SUSD6: variants seen among roughly 807,000 people sequenced by gnomAD.
The protein encoded by SUSD6 is sushi domain containing 6.
SUSD6 carries 16 observed loss-of-function variants against 28.4 expected under a neutral mutation model. The ratio of observed to expected loss-of-function variants is 0.56; its 90% CI spans 0.38 to 0.86. The LOEUF is 0.86. Ranked by LOEUF, SUSD6 falls within the 40% of genes least tolerant of loss-of-function variation. The pLI, the probability that SUSD6 is intolerant of heterozygous loss-of-function variation, is 0.00. For synonymous variants in SUSD6, 147 were observed against 159.6 expected (o/e 0.92, Z 0.59); for missense variants, 341 against 384.2 (o/e 0.89, Z 0.94).
intron 2 of SUSD6, among the ~76,000 whole-genome samples, chr14:69,694,836 C>T (rs557079325): frequency 7.2e-5 from 11 of 152,094 alleles, no homozygotes; most frequent in East Asian, 1.9e-4. Context: ...TGGACAGGTC[C>T]GAGGCCTGTC....
At chr14:69,651,481 T>C (rs997704341) in intron 1 of SUSD6, among the ~76,000 whole-genome samples, 1 of 152,104 alleles carries the variant, frequency 6.6e-6, no homozygotes, top group Non-Finnish European at 1.5e-5. Context: ...TAACAGGAGT[T>C]TGATGTTTGC....
Position 69,625,302 on chromosome 14 carries a change from C to T in SUSD6, c.-81+13474C>T, listed in dbSNP as rs116426015. On this transcript the variant is annotated intron_variant, in intron 1 of 5. Transcript: ENST00000342745. ...TAGTTAAGTACCCAGTAAATATTAA[C>T]TGTTATCAGCTTTTATCCTCACTAT... Among the ~76,000 whole-genome samples the T allele has an allele frequency of 3.1e-3, 471 of 152,334 alleles. 1 individual carries two copies. The highest frequency in any genetic ancestry group is 0.011 in the African/African-American group (441 of 41,576).
intron 1 of SUSD6, among the ~76,000 whole-genome samples, chr14:69,632,212 CCTG>C (rs976171242): frequency 5.3e-5 from 8 of 152,166 alleles, no homozygotes; most frequent in African/African-American, 1.9e-4. Flanking sequence ...CACTGTTCAC[CCTG>C]CTATTGCCCT....
intron 2 of SUSD6, among the ~76,000 whole-genome samples, chr14:69,673,054 A>T (rs1465688571): frequency 6.6e-6 from 1 of 152,164 alleles, no homozygotes; most frequent in African/African-American, 2.4e-5. Context: ...CAGGAGGAGG[A>T]TATACTGAGT....
At chr14:69,621,682 T>A (rs527877945) in intron 1 of SUSD6, among the ~76,000 whole-genome samples, 1 of 152,332 alleles carries the variant, frequency 6.6e-6, no homozygotes, top group East Asian at 1.9e-4. Flanking sequence ...GAAATATATT[T>A]AGTATCCAGT....
In SUSD6 at chr14:69,679,144, A is replaced by C. The variant is rs149326757; in HGVS notation, c.121+20431A>C. Reference sequence around the variant, plus strand: ...GTATTTCCTTGATTATCCTCTCCCAATTTGTAGATTTTTTGAACTTTTCTT... The same window carrying C: ...GTATTTCCTTGATTATCCTCTCCCACTTTGTAGATTTTTTGAACTTTTCTT... On this transcript the variant is annotated intron_variant, in intron 2 of 5. Transcript: ENST00000342745. 7.2e-4 allele frequency among the ~76,000 whole-genome samples: 109 copies of C among 152,194 alleles called. 1 individual carries two copies. The South Asian group carries it at 0.015, about 21-fold the overall frequency.
intron 2 of SUSD6, among the ~76,000 whole-genome samples, chr14:69,659,566 G>T (rs933516578): frequency 2.0e-5 from 3 of 152,148 alleles, no homozygotes; most frequent in Non-Finnish European, 4.4e-5. Flanking sequence ...TGTCCAGGCT[G>T]GAGTGCAGTG....
chr14:69,703,477 T>C lies in SUSD6; in HGVS notation c.204T>C (p.Ser68=). The change falls in exon 3 of 6, where the codon AGT becomes AGC. Residue 68 remains serine, a synonymous_variant. Transcript: ENST00000342745. ...RPCRDPLTAG[S]VIEYLCAEGY... is the part of the protein sequence containing the mutation. ...GCAGAGACCCCCTGACAGCAGGCAG[T>C]GTCATCGAATACCTGTGTGCTGAAG... 6.2e-7 allele frequency: 1 copy of C among 1,614,124 alleles called. No homozygotes were observed. The highest frequency in any genetic ancestry group is 8.5e-7 in the Non-Finnish European group (1 of 1,179,996).
intron 1 of SUSD6, chr14:69,617,639 C>T (rs1468712123): frequency 3.3e-5 from 5 of 152,320 alleles, no homozygotes; most frequent in South Asian, 2.1e-4. Context: ...ATTTTCAATG[C>T]GAAGCCTCAG....
chr14:69,686,516 G>A (rs528647418), intron 2 of SUSD6, among the ~76,000 whole-genome samples: 3 of 152,232 alleles, frequency 2.0e-5, no homozygotes, highest in South Asian at 4.1e-4. Flanking sequence ...CTGTTTTCAC[G>A]CTGCTGATAA....
At chr14:69,702,800 C>T (rs1361607745) in intron 2 of SUSD6, among the ~76,000 whole-genome samples, 1 of 152,156 alleles carries the variant, frequency 6.6e-6, no homozygotes, top group East Asian at 1.9e-4. Context: ...GCTTTTGAAA[C>T]TAGGCAGTCC....
intron 2 of SUSD6, among the ~76,000 whole-genome samples, chr14:69,685,263 C>T (rs1323613497): frequency 6.6e-6 from 1 of 152,202 alleles, no homozygotes; most frequent in Admixed American, 6.5e-5. Context: ...TACCCACATG[C>T]ATAGAGCCAT....
At chr14:69,650,135 T>C (rs1885481981) in intron 1 of SUSD6, among the ~76,000 whole-genome samples, 1 of 152,200 alleles carries the variant, frequency 6.6e-6, no homozygotes, top group Non-Finnish European at 1.5e-5. Context: ...TTGGCTGTTC[T>C]CTTGTCTAAA....
intron 2 of SUSD6, among the ~76,000 whole-genome samples, chr14:69,676,835 C>G (rs959936385): frequency 6.6e-6 from 1 of 152,258 alleles, no homozygotes; most frequent in Non-Finnish European, 1.5e-5. Context: ...CTCAAGGTCT[C>G]CTGCCTGAAG....
chr14:69,638,575 C>A (rs10444683), intron 1 of SUSD6, among the ~76,000 whole-genome samples: 13 of 152,138 alleles, frequency 8.5e-5, no homozygotes, highest in African/African-American at 2.9e-4. Context: ...CTAACCAGGA[C>A]TTCCCCAAAC....
At chr14:69,663,937 A>G (rs975634244) in intron 2 of SUSD6, among the ~76,000 whole-genome samples, 1 of 151,166 alleles carries the variant, frequency 6.6e-6, no homozygotes, top group Non-Finnish European at 1.5e-5. Flanking sequence ...AGGATACAAG[A>G]GTCATCTCTG....
chr14:69,676,378 C>CT (rs752145702), intron 2 of SUSD6, among the ~76,000 whole-genome samples: 3,615 of 143,582 alleles, frequency 0.025, 131 homozygotes, highest in African/African-American at 0.079. Context: ...TGTGCTTTTT[C>CT]TTTTTTTTTT....
chr14:69,690,631 C>G (rs541799507), intron 2 of SUSD6, among the ~76,000 whole-genome samples: 1 of 152,124 alleles, frequency 6.6e-6, no homozygotes, highest in Non-Finnish European at 1.5e-5. Context: ...TGAAAGTTCC[C>G]CTCTGGAGAA....
At chr14:69,686,279 A>G (rs190384479) in intron 2 of SUSD6, among the ~76,000 whole-genome samples, 20 of 152,324 alleles carry the variant, frequency 1.3e-4, no homozygotes, top group Admixed American at 3.3e-4. Flanking sequence ...ATTGTCTCTA[A>G]AAGGCAGGCT....
Sources: allele counts gnomAD v4.1 joint callset (sites outside exome capture counted in the v4.1 genomes callset), GRCh38; gene constraint gnomAD v4.1.1; transcripts MANE v1.5; gene names NCBI Gene and HGNC (gene_info 2026-07-23, HGNC 2026-07-21).